Variants in SLC25A13 observed in about 807,000 individuals in gnomAD.
SLC25A13 encodes the protein electrogenic aspartate/glutamate antiporter SLC25A13, mitochondrial.
In SLC25A13, 70 loss-of-function variants were observed where a neutral mutation model predicts 85.5. The observed-to-expected ratio is 0.82, with a 90% CI of 0.68 to 1.00. The LOEUF (loss-of-function observed/expected upper bound fraction) is 1.00, where lower values mean the gene tolerates loss of function less well. SLC25A13 is among the 50% of genes least tolerant of loss of function. The pLI is 0.00. For missense variants in SLC25A13, 765 were observed against 819.8 expected (o/e 0.93, Z 0.82); for synonymous variants, 259 against 288.7 (o/e 0.90, Z 1.04).
chr7:96,198,826 G>C (rs1219201298), intron 5 of SLC25A13, among the ~76,000 whole-genome samples: 1 of 152,186 alleles, frequency 6.6e-6, no homozygotes, highest in Non-Finnish European at 1.5e-5. Flanking sequence ...CATTTTGAAT[G>C]ATGGGGAAGA....
chr7:96,271,335 A>G (rs1798230978), intron 3 of SLC25A13, among the ~76,000 whole-genome samples: 1 of 152,238 alleles, frequency 6.6e-6, no homozygotes, highest in Non-Finnish European at 1.5e-5. Context: ...AATATGTACA[A>G]TTACTACACG....
intron 3 of SLC25A13, among the ~76,000 whole-genome samples, chr7:96,245,548 G>A (rs1056299275): frequency 2.6e-5 from 4 of 152,038 alleles, no homozygotes; most frequent in East Asian, 1.9e-4. Context: ...TAAAAACCCC[G>A]AAAAGCTATC....
chr7:96,280,495 C>T (rs190762275), intron 2 of SLC25A13, among the ~76,000 whole-genome samples: 5 of 152,204 alleles, frequency 3.3e-5, no homozygotes, highest in Admixed American at 6.5e-5. Context: ...GTGGGCAGAT[C>T]GCTTGAGCCC....
chr7:96,176,793 C>G (rs1015587061), intron 11 of SLC25A13, among the ~76,000 whole-genome samples: 8 of 152,312 alleles, frequency 5.3e-5, no homozygotes, highest in African/African-American at 1.9e-4. Context: ...ATGAAAGAAA[C>G]TCAATATTGC....
chr7:96,219,895 A>G (rs1162733944), intron 4 of SLC25A13: 1 of 375,598 alleles, frequency 2.7e-6, no homozygotes, highest in East Asian at 6.4e-5. Context: ...GATATTAACC[A>G]TCTGTCACAC....
intron 1 of SLC25A13, among the ~76,000 whole-genome samples, chr7:96,307,608 G>A (rs1799796026): frequency 6.6e-6 from 1 of 151,860 alleles, no homozygotes; most frequent in Admixed American, 6.6e-5. Flanking sequence ...GGAGGAAAGA[G>A]GGCATGGCAT....
chr7:96,247,324 G>T (rs1797231123), intron 3 of SLC25A13, among the ~76,000 whole-genome samples: 1 of 151,910 alleles, frequency 6.6e-6, no homozygotes, highest in African/African-American at 2.4e-5. Flanking sequence ...GCTTAAAATA[G>T]ATTATGATTT....
chr7:96,161,495 T>A (rs569661447), intron 13 of SLC25A13, among the ~76,000 whole-genome samples: 1 of 152,094 alleles, frequency 6.6e-6, no homozygotes, highest in Non-Finnish European at 1.5e-5. Flanking sequence ...TTCAACAGAT[T>A]TTTTTTTAAG....
chr7:96,160,915 T>G (rs952622656), intron 13 of SLC25A13, among the ~76,000 whole-genome samples: 3 of 151,852 alleles, frequency 2.0e-5, no homozygotes. Flanking sequence ...AGAAAACCGA[T>G]GGAGCTGCCT....
At chr7:96,125,833 A>G (rs1177501074) in intron 15 of SLC25A13, among the ~76,000 whole-genome samples, 2 of 146,500 alleles carry the variant, frequency 1.4e-5, no homozygotes, top group Non-Finnish European at 1.5e-5. Context: ...ATTCAGAACT[A>G]ACGCTTGATA....
At position 96,250,872 on chromosome 7, in the gene SLC25A13, A is replaced by C. The variant is rs560255883; in HGVS notation, c.213-15955T>G. On this transcript the variant is annotated intron_variant, in intron 3 of 17. Transcript: ENST00000265631. Reference sequence around the variant, plus strand: ...CTAAGAATCCCACCTCTTCTGGATAATACCTCACATGTGCATGGAACATTA... The same window carrying C: ...CTAAGAATCCCACCTCTTCTGGATACTACCTCACATGTGCATGGAACATTA... Among the ~76,000 whole-genome samples the C allele has an allele frequency of 2.0e-5, 3 of 152,304 alleles. No individual in the cohort carries two copies. In the South Asian group the frequency reaches 6.2e-4, roughly 32 times the overall value.
chr7:96,127,517 A>G (rs2285570), intron 15 of SLC25A13, among the ~76,000 whole-genome samples: 1 of 152,362 alleles, frequency 6.6e-6, no homozygotes, highest in East Asian at 1.9e-4. Context: ...AAAAAGCTAC[A>G]TATTACTAAA....
At chr7:96,264,038 C>T (rs1344715532) in intron 3 of SLC25A13, among the ~76,000 whole-genome samples, 1 of 152,132 alleles carries the variant, frequency 6.6e-6, no homozygotes, top group South Asian at 2.1e-4. Context: ...CTCTTTGCTC[C>T]TTGCCCAGAC....
chr7:96,244,410 T>A (rs763092366), intron 3 of SLC25A13, among the ~76,000 whole-genome samples: 1 of 152,196 alleles, frequency 6.6e-6, no homozygotes, highest in Non-Finnish European at 1.5e-5. Flanking sequence ...TCATGACTAT[T>A]GTTTCTAATC....
At chr7:96,307,239 C>T (rs774816347) in intron 1 of SLC25A13, among the ~76,000 whole-genome samples, 5 of 151,712 alleles carry the variant, frequency 3.3e-5, no homozygotes, top group African/African-American at 9.7e-5. Flanking sequence ...TAAGACAATA[C>T]GGGAAATGTG....
chr7:96,240,339 T>C (rs978395654), intron 3 of SLC25A13, among the ~76,000 whole-genome samples: 1 of 152,126 alleles, frequency 6.6e-6, no homozygotes, highest in African/African-American at 2.4e-5. Context: ...ATGAACTCAG[T>C]CTTGCAATAA....
chr7:96,300,625 C>T (rs1799516071), intron 1 of SLC25A13, among the ~76,000 whole-genome samples: 1 of 152,076 alleles, frequency 6.6e-6, no homozygotes, highest in Non-Finnish European at 1.5e-5. Flanking sequence ...ACACACTCAC[C>T]AAACCACTAA....
At chr7:96,291,620 A>C (rs918689319) in intron 2 of SLC25A13, among the ~76,000 whole-genome samples, 3 of 152,130 alleles carry the variant, frequency 2.0e-5, no homozygotes, top group South Asian at 4.1e-4. Context: ...CACAGAAATA[A>C]AAACTACCAT....
intron 3 of SLC25A13, among the ~76,000 whole-genome samples, chr7:96,250,931 A>T (rs1010803143): frequency 6.6e-6 from 1 of 152,150 alleles, no homozygotes; most frequent in African/African-American, 2.4e-5. Flanking sequence ...ACAAATACTT[A>T]TGGAGTGCTA....
Sources: gnomAD v4.1 joint callset for allele counts (sites outside exome capture counted in the v4.1 genomes callset) on GRCh38, gnomAD v4.1.1 for gene constraint, MANE v1.5 for transcripts, NCBI Gene and HGNC (gene_info 2026-07-23, HGNC 2026-07-21) for gene names.